Variants in GABRB2 observed in about 807,000 individuals in gnomAD.
GABRB2 encodes the protein gamma-aminobutyric acid receptor subunit beta-2.
A neutral mutation model predicts 54.7 loss-of-function variants in GABRB2; 16 were observed. The observed-to-expected ratio is 0.29, with a 90% CI of 0.20 to 0.44. The LOEUF is 0.44. GABRB2 is among the 20% of genes least tolerant of loss of function. The pLI is 1.00. For synonymous variants in GABRB2, 244 were observed against 233.8 expected (o/e 1.04, Z -0.40); for missense variants, 355 against 644.0 (o/e 0.55, Z 4.86).
At chr5:161,369,443 G>C (rs1755067619) in intron 5 of GABRB2, among the ~76,000 whole-genome samples, 1 of 151,942 alleles carries the variant, frequency 6.6e-6, no homozygotes, top group Non-Finnish European at 1.5e-5. Flanking sequence ...CTTTTATAAA[G>C]ACGAAATTTA....
intron 5 of GABRB2, among the ~76,000 whole-genome samples, chr5:161,350,910 G>A (rs990150111): frequency 7.2e-5 from 11 of 152,032 alleles, no homozygotes; most frequent in Admixed American, 5.9e-4. Flanking sequence ...GTCACAGACC[G>A]AAGGCTGCAC....
chr5:161,333,147 A>C (rs560857330), intron 7 of GABRB2, among the ~76,000 whole-genome samples: 1 of 152,310 alleles, frequency 6.6e-6, no homozygotes, highest in East Asian at 1.9e-4. Flanking sequence ...AAGTTAATGA[A>C]TTATTTATTG....
At chr5:161,532,709 T>C (rs1443545931) in intron 3 of GABRB2, among the ~76,000 whole-genome samples, 1 of 152,192 alleles carries the variant, frequency 6.6e-6, no homozygotes, top group African/African-American at 2.4e-5. Context: ...GAGAGAGCCA[T>C]ACCTGTGTGT....
At chr5:161,347,315 A>T (rs2113427229) in intron 5 of GABRB2, among the ~76,000 whole-genome samples, 1 of 152,272 alleles carries the variant, frequency 6.6e-6, no homozygotes, top group Middle Eastern at 3.4e-3. Flanking sequence ...AATCTGCTTT[A>T]ACACTGAAAT....
chr5:161,510,994 A>G (rs1759751017), intron 3 of GABRB2, among the ~76,000 whole-genome samples: 1 of 152,002 alleles, frequency 6.6e-6, no homozygotes, highest in East Asian at 1.9e-4. Flanking sequence ...AACAATCATA[A>G]CACCAACAGT....
chr5:161,405,659 G>T (rs143808711), intron 5 of GABRB2, among the ~76,000 whole-genome samples: 2 of 152,014 alleles, frequency 1.3e-5, no homozygotes, highest in Admixed American at 6.6e-5. Flanking sequence ...TGCTATCGAC[G>T]TTTACCTGGG....
intron 5 of GABRB2, among the ~76,000 whole-genome samples, chr5:161,371,778 T>A (rs139799955): frequency 1.7e-3 from 251 of 151,896 alleles, no homozygotes; most frequent in Admixed American, 2.6e-3. Context: ...CTGGAGTGCA[T>A]TGGGGCAATC....
At chr5:161,544,727 T>G (rs901718845) in intron 3 of GABRB2, among the ~76,000 whole-genome samples, 2 of 152,068 alleles carry the variant, frequency 1.3e-5, no homozygotes, top group Non-Finnish European at 2.9e-5. Flanking sequence ...ACAATGGAGT[T>G]GGGGCAGGAA....
At chr5:161,456,001 C>T (rs1757943611) in intron 4 of GABRB2, among the ~76,000 whole-genome samples, 1 of 152,188 alleles carries the variant, frequency 6.6e-6, no homozygotes, top group South Asian at 2.1e-4. Flanking sequence ...GAAACTTACT[C>T]AGATACTGTA....
rs1437446243 is a variant in GABRB2, at chr5:161,289,332, A to G, written c.*4749T>C. The G allele has an allele frequency of 1.4e-5, 2 of 142,182 alleles. No homozygotes were observed. Among genetic ancestry groups the G allele is most frequent in the Admixed American group, 1.5e-4 (2 of 13,106 alleles). 8.8% of individuals were successfully genotyped at this position (142,182 alleles called of 1,614,324 possible). A position where few individuals can be genotyped will look rare whatever the true frequency, so the allele number is the denominator to read the frequency against. ...TTTACAATGTTCCTAGTGCATTTGG[A>G]AAATATTTTTTTAAACCTTTGGTGT... On this transcript the variant is annotated 3_prime_UTR_variant, in exon 10 of 10. Coordinates refer to ENST00000393959, the MANE Select transcript of GABRB2 (RefSeq NM_001371727.1).
At chr5:161,461,124 C>T (rs1365172065) in intron 3 of GABRB2, among the ~76,000 whole-genome samples, 2 of 152,148 alleles carry the variant, frequency 1.3e-5, no homozygotes, top group African/African-American at 4.8e-5. Flanking sequence ...TAGATTGTTA[C>T]AAAGTGGCTA....
At chr5:161,469,896 C>T (rs1758388787) in intron 3 of GABRB2, among the ~76,000 whole-genome samples, 1 of 151,700 alleles carries the variant, frequency 6.6e-6, no homozygotes. Flanking sequence ...TTCTTCATCT[C>T]TATTTTCTCA....
At chr5:161,372,174 A>G (rs1486186637) in intron 5 of GABRB2, among the ~76,000 whole-genome samples, 1 of 152,118 alleles carries the variant, frequency 6.6e-6, no homozygotes, top group African/African-American at 2.4e-5. Context: ...TTTATTTTTT[A>G]AAAAATTACT....
chr5:161,368,487 C>T (rs1169800318), intron 5 of GABRB2, among the ~76,000 whole-genome samples: 1 of 152,128 alleles, frequency 6.6e-6, no homozygotes, highest in Non-Finnish European at 1.5e-5. Context: ...AGAAATATCA[C>T]TTTGCTCATT....
intron 3 of GABRB2, among the ~76,000 whole-genome samples, chr5:161,521,984 T>C (rs780573553): frequency 9.9e-5 from 15 of 151,908 alleles, no homozygotes; most frequent in Non-Finnish European, 2.1e-4. Context: ...CTTTCTAGCA[T>C]TACTAAGCTG....
At chr5:161,386,305 T>C (rs2113492885) in intron 5 of GABRB2, among the ~76,000 whole-genome samples, 1 of 152,232 alleles carries the variant, frequency 6.6e-6, no homozygotes, top group Admixed American at 6.5e-5. Flanking sequence ...TCGATGTCAT[T>C]CAATTATCTC....
chr5:161,310,521 A>AT (rs1216404273), intron 9 of GABRB2, among the ~76,000 whole-genome samples: 1 of 152,004 alleles, frequency 6.6e-6, no homozygotes, highest in Non-Finnish European at 1.5e-5. Context: ...CCTATGCATG[A>AT]TTTTTCATAG....
intron 3 of GABRB2, among the ~76,000 whole-genome samples, chr5:161,462,716 T>G (rs1758149935): frequency 6.6e-6 from 1 of 152,192 alleles, no homozygotes; most frequent in Admixed American, 6.5e-5. Context: ...TGCTAAAAAA[T>G]GCTCCCAGAC....
intron 3 of GABRB2, among the ~76,000 whole-genome samples, chr5:161,515,363 C>T (rs1048607253): frequency 4.6e-5 from 7 of 151,994 alleles, no homozygotes; most frequent in Admixed American, 3.3e-4. Flanking sequence ...CTTTTCTATT[C>T]GGGGGATAGT....
Sources: allele counts gnomAD v4.1 joint callset (sites outside exome capture counted in the v4.1 genomes callset), GRCh38; gene constraint gnomAD v4.1.1; transcripts MANE v1.5; gene names NCBI Gene and HGNC (gene_info 2026-07-23, HGNC 2026-07-21).